PCDHA6: variants seen among roughly 807,000 people sequenced by gnomAD.
PCDHA6 encodes protocadherin alpha 6.
In PCDHA6, 55 loss-of-function variants were observed where a neutral mutation model predicts 60.3. That is an observed-to-expected ratio of 0.91 (90% CI 0.73 to 1.14). The LOEUF is 1.14. Among genes scored for constraint, PCDHA6 ranks in the 50% most tolerant of loss-of-function variants. The pLI is 0.00. For missense variants in PCDHA6, 1,327 were observed against 1,256.5 expected, an observed-to-expected ratio of 1.06 and a Z score of -0.85; for synonymous variants, 652 against 557.9, an observed-to-expected ratio of 1.17 and a Z score of -2.38.
intron 3 of PCDHA6, among the ~76,000 whole-genome samples, chr5:140,992,478 A>T (rs2097514142): frequency 6.6e-6 from 1 of 152,210 alleles, no homozygotes; most frequent in African/African-American, 2.4e-5. Flanking sequence ...TAGATCACCC[A>T]GAGGCCAATC....
Position 140,830,034 on chromosome 5 carries a change from T to C in PCDHA6, c.1943T>C (p.Leu648Pro), listed in dbSNP as rs1581895588. Residue 648 changes from leucine to proline, a missense_variant, in exon 1 of 4, where the codon CTG becomes CCG. Leu to Pro is a moderately conservative substitution (Grantham distance 98, BLOSUM62 -3). Coordinates refer to ENST00000529310, the MANE Select transcript of PCDHA6 (RefSeq NM_018909.4). ...GCGGACTCTCCGCGCCACCGGCTGC[T>C]GGTGCTGGTGAAAGACCACGGTGAG... The part of the protein sequence containing the change: ...DEADSPRHRL[L>P]VLVKDHGEPA... 2 of 1,613,732 alleles carry C rather than the reference T, an allele frequency of 1.2e-6. No homozygotes were observed. The highest frequency in any genetic ancestry group is 2.2e-5 in the East Asian group (1 of 44,870).
rs150677637 is a variant in PCDHA6, at chr5:140,857,404, T to A, written c.2394+26919T>A. Reference sequence around the variant, plus strand: ...TGGCCGACGTGAACGACAACGCGCCTGCGTTCGCGCAGTCCGAGTACACGG... The same window carrying A: ...TGGCCGACGTGAACGACAACGCGCCAGCGTTCGCGCAGTCCGAGTACACGG... On this transcript the variant is annotated intron_variant, in intron 1 of 3. Transcript: ENST00000529310. 5,154 of 1,597,952 alleles carry A rather than the reference T, an allele frequency of 3.2e-3. 410 individuals carry two copies. In the African/African-American group the frequency reaches 0.057, roughly 18 times the overall value.
intron 1 of PCDHA6, chr5:140,883,054 C>T: frequency 6.2e-7 from 1 of 1,614,072 alleles, no homozygotes; most frequent in South Asian, 1.1e-5. Context: ...CATTAGTGAT[C>T]AAGCTAAATG....
At chr5:140,914,817 C>T (rs2076857750) in intron 1 of PCDHA6, among the ~76,000 whole-genome samples, 1 of 152,040 alleles carries the variant, frequency 6.6e-6, no homozygotes, top group African/African-American at 2.4e-5. Flanking sequence ...ACTTAACAGA[C>T]TGCATAAACA....
intron 1 of PCDHA6, among the ~76,000 whole-genome samples, chr5:140,881,137 A>G (rs1554171789): frequency 6.6e-6 from 1 of 152,246 alleles, no homozygotes; most frequent in Non-Finnish European, 1.5e-5. Context: ...AGAGATAGTT[A>G]TAACAATAGA....
intron 1 of PCDHA6, among the ~76,000 whole-genome samples, chr5:140,946,631 T>TATATATATATATATATATACACAC (rs57893927): frequency 7.6e-6 from 1 of 131,846 alleles, no homozygotes; most frequent in South Asian, 2.2e-4. Context: ...TATATATATA[T>TATATATATATATATATATACACAC]ACAATGGAAT....
chr5:140,876,868 G>T, intron 1 of PCDHA6: 1 of 1,614,160 alleles, frequency 6.2e-7, no homozygotes, highest in Non-Finnish European at 8.5e-7. Flanking sequence ...GTTCGTGAAG[G>T]AGAACAACCC....
At chr5:140,850,277 G>A (rs2150477192) in intron 1 of PCDHA6, 1 of 1,595,522 alleles carries the variant, frequency 6.3e-7, no homozygotes, top group South Asian at 1.1e-5. Flanking sequence ...TGGGGAAGGT[G>A]CGCGCAGTGG....
At position 140,828,391 on chromosome 5, in the gene PCDHA6, G is replaced by A; in HGVS notation, c.300G>A (p.Ala100=). 2.5e-6 allele frequency: 4 copies of A among 1,614,294 alleles called. No individual in the cohort carries two copies. Among genetic ancestry groups the A allele is most frequent in the Non-Finnish European group, 3.4e-6 (4 of 1,180,056 alleles). Residue 100 remains alanine, a synonymous_variant, in exon 1 of 4, where the codon GCG becomes GCA. Transcript: ENST00000529310. ...GCGAGGAGCTGTGCGGGCGGAGCGCGGAGTGCAGCATCCACCTGGAGGTGA... is the reference window on the plus strand; with the variant it reads ...GCGAGGAGCTGTGCGGGCGGAGCGCAGAGTGCAGCATCCACCTGGAGGTGA... ...IDREELCGRS[A]ECSIHLEVIV... is the part of the protein sequence containing the mutation.
chr5:140,857,949 G>A (rs1554150927), intron 1 of PCDHA6: 3 of 1,597,424 alleles, frequency 1.9e-6, no homozygotes, highest in Non-Finnish European at 2.6e-6. Flanking sequence ...AGTACGACGC[G>A]CGCTCTGGAT....
chr5:140,950,917 A>G (rs1270492994), intron 1 of PCDHA6, among the ~76,000 whole-genome samples: 10 of 151,524 alleles, frequency 6.6e-5, no homozygotes, highest in African/African-American at 2.4e-4. Context: ...ATTTTATTTC[A>G]GTTCTTTTTC....
At chr5:140,885,280 A>G (rs2060543465) in intron 1 of PCDHA6, among the ~76,000 whole-genome samples, 2 of 152,138 alleles carry the variant, frequency 1.3e-5, no homozygotes, top group Admixed American at 6.5e-5. Context: ...ATATATATAC[A>G]TATATAGAGA....
At chr5:140,997,456 C>T (rs2097770717) in intron 3 of PCDHA6, among the ~76,000 whole-genome samples, 1 of 152,146 alleles carries the variant, frequency 6.6e-6, no homozygotes, top group African/African-American at 2.4e-5. Context: ...ATACTGAATA[C>T]TGTAGGCAAT....
At chr5:140,968,446 C>T in intron 1 of PCDHA6, 1 of 1,614,046 alleles carries the variant, frequency 6.2e-7, no homozygotes, top group Non-Finnish European at 8.5e-7. Context: ...CACCACTGAG[C>T]AGCACTGTGA....
At chr5:140,849,820 C>A (rs2150451868) in intron 1 of PCDHA6, 1 of 1,598,424 alleles carries the variant, frequency 6.3e-7, no homozygotes, top group South Asian at 1.1e-5. Context: ...GCCAGGGTGT[C>A]TGTGGAGGTG....
intron 1 of PCDHA6, among the ~76,000 whole-genome samples, chr5:140,918,114 G>C (rs989175486): frequency 5.8e-4 from 89 of 152,144 alleles, no homozygotes; most frequent in African/African-American, 2.1e-3. Flanking sequence ...TCACATCCTT[G>C]ATTAGCCATA....
At chr5:140,836,524 C>G (rs2150262831) in intron 1 of PCDHA6, 1 of 1,613,834 alleles carries the variant, frequency 6.2e-7, no homozygotes, top group South Asian at 1.1e-5. Flanking sequence ...TTGGTGCTTA[C>G]CCTGCTGCTG....
rs2150176027 is a variant in PCDHA6 at position 140,829,845 on chromosome 5, T to C, written c.1754T>C (p.Leu585Pro). ...GAVSELVPRS[L>P]GAGQVVAKVR... ...GTGAGCGAGCTGGTGCCGCGGTCAC[T>C]GGGTGCAGGCCAAGTGGTGGCGAAG... The change falls in exon 1 of 4, where the codon CTG becomes CCG. Residue 585 changes from leucine (L) to proline (P), a missense_variant. Coordinates refer to ENST00000529310, the MANE Select transcript of PCDHA6 (RefSeq NM_018909.4). 21 of 1,613,782 alleles carry C rather than the reference T, an allele frequency of 1.3e-5. No individual in the cohort carries two copies. The highest frequency in any genetic ancestry group is 8.5e-7 in the Non-Finnish European group (1 of 1,179,894).
Position 140,968,974 on chromosome 5 carries a change from G to A in PCDHA6, c.2395-9975G>A, listed in dbSNP as rs17119326. 3.9e-3 allele frequency: 6,227 copies of A among 1,614,174 alleles called. 151 individuals carry two copies. The African/African-American group carries it at 0.06, about 16-fold the overall frequency. On this transcript the variant is annotated intron_variant, in intron 1 of 3. Coordinates refer to ENST00000529310, the MANE Select transcript of PCDHA6 (RefSeq NM_018909.4). Reference sequence around the variant, plus strand: ...TCATCAAGTGCTACCGCTACACTGCGTATGGCACTGCATGCTGTGGAGGCT... The same window carrying A: ...TCATCAAGTGCTACCGCTACACTGCATATGGCACTGCATGCTGTGGAGGCT...
Sources: allele counts gnomAD v4.1 joint callset (sites outside exome capture counted in the v4.1 genomes callset), GRCh38; gene constraint gnomAD v4.1.1; transcripts MANE v1.5; gene names NCBI Gene and HGNC (gene_info 2026-07-23, HGNC 2026-07-21).